Variants in CEP57L1 observed in about 807,000 individuals in gnomAD.
The protein encoded by CEP57L1 is centrosomal protein 57 like 1.
A neutral mutation model predicts 61.0 loss-of-function variants in CEP57L1; 37 were observed. The observed-to-expected ratio is 0.61, with a 90% CI of 0.47 to 0.80. The LOEUF (loss-of-function observed/expected upper bound fraction) is 0.80, where lower values mean the gene tolerates loss of function less well. Among genes scored for constraint, CEP57L1 ranks in the 30% least tolerant of loss-of-function variants. CEP57L1 has a pLI of 0.00. For missense variants in CEP57L1, 422 were observed against 524.7 expected, an observed-to-expected ratio of 0.80 and a Z score of 1.91; for synonymous variants, 137 against 162.3, an observed-to-expected ratio of 0.84 and a Z score of 1.19.
rs1225762966 is a variant in CEP57L1 at position 109,150,221 on chromosome 6, C to G, written c.444C>G (p.Asn148Lys). Residue 148 changes from asparagine to lysine, a missense_variant, in exon 4 of 11, where the codon AAC becomes AAG. Physicochemically the swap from Asn to Lys is moderately conservative, Grantham distance 94. Transcript: ENST00000517392. ...TTCTCAACGTAGAGCGAGAAAAGAA[C>G]ATGATCCTAGAACAACAGGTGAGCA... ...RMVLNVEREK[N>K]MILEQQAQLQ... The G allele has an allele frequency of 6.2e-7, 1 of 1,601,318 alleles. No individual in the cohort carries two copies. Among genetic ancestry groups the G allele is most frequent in the South Asian group, 1.1e-5 (1 of 90,768 alleles).
chr6:109,110,161 G>C (rs1771426555), intron 1 of CEP57L1, among the ~76,000 whole-genome samples: 1 of 152,192 alleles, frequency 6.6e-6, no homozygotes, highest in Non-Finnish European at 1.5e-5. Context: ...CACCAACAGA[G>C]TAGAAGCGTT....
chr6:109,102,229 C>G lies in CEP57L1; in HGVS notation c.-4+6654C>G, dbSNP rs116258067. Among the ~76,000 whole-genome samples the G allele has an allele frequency of 8.2e-3, 1,251 of 152,032 alleles. 22 individuals carry two copies. Among genetic ancestry groups the G allele is most frequent in the African/African-American group, 0.029 (1,200 of 41,454 alleles). On this transcript the variant is annotated intron_variant, in intron 1 of 10. Coordinates refer to ENST00000517392, the MANE Select transcript of CEP57L1 (RefSeq NM_001271852.3). ...TTTTGTTTTTTAGAGGCAGGGTCTC[C>G]CTAGGTCACCCAGGTTGGAGTGCAG...
chr6:109,139,046 A>G (rs1771053282), intron 1 of CEP57L1, among the ~76,000 whole-genome samples: 1 of 152,160 alleles, frequency 6.6e-6, no homozygotes, highest in Admixed American at 6.5e-5. Context: ...TGCCAGCATG[A>G]CTACTCTTGT....
chr6:109,101,709 T>G (rs1782439661), intron 1 of CEP57L1, among the ~76,000 whole-genome samples: 1 of 151,340 alleles, frequency 6.6e-6, no homozygotes, highest in Non-Finnish European at 1.5e-5. Flanking sequence ...CAAACTCCGC[T>G]GCCGGGTTCA....
chr6:109,148,018 T>C (rs1276671259), intron 3 of CEP57L1, among the ~76,000 whole-genome samples: 1 of 152,196 alleles, frequency 6.6e-6, no homozygotes, highest in East Asian at 1.9e-4. Context: ...CTTTTAGCTC[T>C]TGATGAATTC....
At chr6:109,096,783 C>A (rs559515250) in intron 1 of CEP57L1, among the ~76,000 whole-genome samples, 1 of 152,138 alleles carries the variant, frequency 6.6e-6, no homozygotes, top group East Asian at 1.9e-4. Flanking sequence ...AAAACCATTC[C>A]GTTTTCATCT....
intron 1 of CEP57L1, among the ~76,000 whole-genome samples, chr6:109,123,717 A>C (rs892160501): frequency 1.3e-5 from 2 of 152,032 alleles, no homozygotes; most frequent in African/African-American, 4.8e-5. Context: ...TTGACATCCT[A>C]ATTTTCTCTA....
At chr6:109,121,039 C>T (rs1772914856) in intron 1 of CEP57L1, among the ~76,000 whole-genome samples, 1 of 151,728 alleles carries the variant, frequency 6.6e-6, no homozygotes, top group Admixed American at 6.6e-5. Flanking sequence ...TGGGGTGTGG[C>T]AAGGATGAGA....
intron 1 of CEP57L1, among the ~76,000 whole-genome samples, chr6:109,124,527 G>A (rs1773330128): frequency 6.6e-6 from 1 of 152,166 alleles, no homozygotes; most frequent in African/African-American, 2.4e-5. Flanking sequence ...AGTTTTTTCT[G>A]TGCCACAGTT....
intron 1 of CEP57L1, among the ~76,000 whole-genome samples, chr6:109,108,532 T>C (rs1771203643): frequency 6.6e-6 from 1 of 152,106 alleles, no homozygotes; most frequent in African/African-American, 2.4e-5. Context: ...TCTTATTTTG[T>C]TTGACTTAAT....
At chr6:109,099,379 A>T (rs1782097236) in intron 1 of CEP57L1, among the ~76,000 whole-genome samples, 2 of 152,064 alleles carry the variant, frequency 1.3e-5, no homozygotes. Flanking sequence ...ATTAAGGAGG[A>T]AGGAAAAATA....
intron 1 of CEP57L1, among the ~76,000 whole-genome samples, chr6:109,105,374 G>A (rs1770803687): frequency 6.6e-6 from 1 of 152,142 alleles, no homozygotes; most frequent in Admixed American, 6.5e-5. Context: ...AGAGATATAT[G>A]TTTATATTTT....
chr6:109,118,791 G>C (rs112375859), intron 1 of CEP57L1, among the ~76,000 whole-genome samples: 1 of 152,030 alleles, frequency 6.6e-6, no homozygotes, highest in Admixed American at 6.6e-5. Flanking sequence ...ACCTTATATT[G>C]CTCTGACTTT....
intron 5 of CEP57L1, among the ~76,000 whole-genome samples, chr6:109,154,270 T>C (rs1189886784): frequency 6.6e-6 from 1 of 152,178 alleles, no homozygotes. Context: ...CCAGTTCCCC[T>C]CTTCATCCTT....
chr6:109,138,857 C>T (rs1056340164), intron 1 of CEP57L1, among the ~76,000 whole-genome samples: 5 of 152,166 alleles, frequency 3.3e-5, no homozygotes, highest in Admixed American at 6.6e-5. Flanking sequence ...GTACCAAACT[C>T]TATATATACT....
intron 3 of CEP57L1, among the ~76,000 whole-genome samples, chr6:109,149,787 T>G (rs1352388063): frequency 1.3e-5 from 2 of 152,140 alleles, no homozygotes; most frequent in African/African-American, 2.4e-5. Flanking sequence ...TATCCTCTTT[T>G]ATTTCATTGA....
At position 109,165,001 on chromosome 6, in the gene CEP57L1, C is replaced by G. The variant is rs2114978429; in HGVS notation, c.*2031C>G. ...ACTGAGGCAGGGGAATCGCTTGAAC[C>G]TGGGAGATGGAGGTTGCAGTGAGCT... On this transcript the variant is annotated 3_prime_UTR_variant, in exon 11 of 11. Coordinates refer to ENST00000517392, the MANE Select transcript of CEP57L1 (RefSeq NM_001271852.3). Among the ~76,000 whole-genome samples the G allele has an allele frequency of 6.6e-6, 1 of 151,334 alleles. No homozygotes were observed. Among genetic ancestry groups the G allele is most frequent in the African/African-American group, 2.4e-5 (1 of 41,228 alleles).
At chr6:109,139,035 T>C (rs545337807) in intron 1 of CEP57L1, among the ~76,000 whole-genome samples, 47 of 152,338 alleles carry the variant, frequency 3.1e-4, no homozygotes, top group Non-Finnish European at 3.5e-4. Flanking sequence ...CATATCTAAA[T>C]TGCCAGCATG....
At chr6:109,123,628 G>C (rs1773227563) in intron 1 of CEP57L1, among the ~76,000 whole-genome samples, 1 of 152,116 alleles carries the variant, frequency 6.6e-6, no homozygotes, top group African/African-American at 2.4e-5. Flanking sequence ...TTCAAAATCT[G>C]TTTTCTACCT....
Sources: gnomAD v4.1 joint callset for allele counts (sites outside exome capture counted in the v4.1 genomes callset) on GRCh38, gnomAD v4.1.1 for gene constraint, MANE v1.5 for transcripts, NCBI Gene and HGNC (gene_info 2026-07-23, HGNC 2026-07-21) for gene names.